TNIK: variants seen among roughly 807,000 people sequenced by gnomAD.
TNIK encodes the protein TRAF2 and NCK-interacting protein kinase.
In TNIK, 49 loss-of-function variants were observed where a neutral mutation model predicts 191.3. The ratio of observed to expected loss-of-function variants is 0.26; its 90% CI spans 0.20 to 0.32. TNIK has a LOEUF of 0.32. TNIK is among the 10% of genes least tolerant of loss of function. The probability of loss-of-function intolerance (pLI) is 1.00; values close to 1 mark genes in which losing one functional copy is unlikely to be tolerated. For synonymous variants in TNIK, 594 were observed against 600.9 expected (o/e 0.99, Z 0.17); for missense variants, 1,155 against 1,702.3 (o/e 0.68, Z 5.66).
chr3:171,182,791 T>G (rs1249047975), intron 7 of TNIK, among the ~76,000 whole-genome samples: 1 of 152,102 alleles, frequency 6.6e-6, no homozygotes, highest in South Asian at 2.1e-4. Context: ...CACAGAAGAA[T>G]GAGAGGCTGT....
chr3:171,356,490 A>G (rs1256353886), intron 2 of TNIK, among the ~76,000 whole-genome samples: 1 of 152,212 alleles, frequency 6.6e-6, no homozygotes, highest in Non-Finnish European at 1.5e-5. Flanking sequence ...TATTTTTGCT[A>G]TAAAGATGAG....
intron 1 of TNIK, among the ~76,000 whole-genome samples, chr3:171,422,639 CTG>C (rs1208949771): frequency 6.6e-6 from 1 of 152,194 alleles, no homozygotes; most frequent in African/African-American, 2.4e-5. Context: ...GTACTGGAAA[CTG>C]TGCTATGCAC....
chr3:171,295,476 C>A (rs915090932), intron 2 of TNIK, among the ~76,000 whole-genome samples: 3 of 152,314 alleles, frequency 2.0e-5, no homozygotes, highest in African/African-American at 7.2e-5. Flanking sequence ...GTGCCCACTG[C>A]AGCTCCAAGC....
chr3:171,106,895 C>T (rs1724989441), intron 21 of TNIK: 1 of 503,368 alleles, frequency 2.0e-6, no homozygotes, highest in Admixed American at 2.9e-5. Flanking sequence ...TTGGAAGATA[C>T]TGGAAGGAGA....
intron 2 of TNIK, among the ~76,000 whole-genome samples, chr3:171,350,986 G>C (rs918555617): frequency 2.0e-5 from 3 of 152,196 alleles, no homozygotes; most frequent in Admixed American, 1.3e-4. Context: ...CACTTCCTGG[G>C]TTCAAGCTAT....
intron 1 of TNIK, among the ~76,000 whole-genome samples, chr3:171,440,305 C>T (rs1051961939): frequency 2.0e-5 from 3 of 152,124 alleles, no homozygotes; most frequent in African/African-American, 7.2e-5. Context: ...AACATAGGAA[C>T]ATTTTTCTAC....
At chr3:171,110,407 CAG>C (rs1267465926) in intron 19 of TNIK, among the ~76,000 whole-genome samples, 5 of 152,154 alleles carry the variant, frequency 3.3e-5, no homozygotes, top group Admixed American at 2.0e-4. Context: ...GGCAATCAAA[CAG>C]AAACAGAAAT....
intron 2 of TNIK, among the ~76,000 whole-genome samples, chr3:171,306,227 G>A (rs1019312566): frequency 6.6e-6 from 1 of 152,122 alleles, no homozygotes; most frequent in African/African-American, 2.4e-5. Context: ...AGGAGGTTAG[G>A]AGGAGGGAGA....
chr3:171,093,770 G>T, intron 23 of TNIK, 69 bp downstream of exon 23: 2 of 1,585,074 alleles, frequency 1.3e-6, no homozygotes, highest in Admixed American at 1.7e-5. Context: ...GGCATTCTCT[G>T]TGAAAGCTTT....
intron 2 of TNIK, among the ~76,000 whole-genome samples, chr3:171,293,477 G>A (rs1751918153): frequency 6.6e-6 from 1 of 152,118 alleles, no homozygotes; most frequent in African/African-American, 2.4e-5. Flanking sequence ...CATAACTATG[G>A]GGAAATTATT....
chr3:171,136,270 C>T (rs921228342), intron 15 of TNIK, among the ~76,000 whole-genome samples: 2 of 152,188 alleles, frequency 1.3e-5, no homozygotes, highest in Non-Finnish European at 2.9e-5. Flanking sequence ...TGCAGCATTT[C>T]TTAGAAAAGT....
chr3:171,237,442 G>A (rs868588795), intron 2 of TNIK, among the ~76,000 whole-genome samples: 5 of 151,692 alleles, frequency 3.3e-5, no homozygotes, highest in Non-Finnish European at 5.9e-5. Flanking sequence ...GTATCTGAAC[G>A]GGAACACAGT....
At chr3:171,103,089 G>A (rs1723871583) in intron 21 of TNIK, among the ~76,000 whole-genome samples, 1 of 152,076 alleles carries the variant, frequency 6.6e-6, no homozygotes, top group Non-Finnish European at 1.5e-5. Flanking sequence ...TTTTAAATTT[G>A]TCTTGATGAC....
intron 21 of TNIK, chr3:171,106,693 A>G: frequency 1.9e-6 from 1 of 534,338 alleles, no homozygotes. Context: ...TCCAGGATTC[A>G]TTAACTAAAG....
At chr3:171,459,822 C>T (rs1417008583) in intron 1 of TNIK, among the ~76,000 whole-genome samples, 185 bp downstream of exon 1, 9 of 152,112 alleles carry the variant, frequency 5.9e-5, no homozygotes, top group Non-Finnish European at 1.0e-4. Flanking sequence ...CCGCACAGCC[C>T]CTGCCGTAGG....
At chr3:171,118,042 C>A (rs541935839) in intron 18 of TNIK, among the ~76,000 whole-genome samples, 2 of 152,156 alleles carry the variant, frequency 1.3e-5, no homozygotes, top group South Asian at 2.1e-4. Flanking sequence ...TCTAGAAAGC[C>A]CCATCGTCTC....
chr3:171,286,599 C>T (rs917965667), intron 2 of TNIK, among the ~76,000 whole-genome samples: 1 of 152,194 alleles, frequency 6.6e-6, no homozygotes, highest in African/African-American at 2.4e-5. Flanking sequence ...TATGCCCCTG[C>T]ACTCCAGCTT....
chr3:171,087,543 G>A, intron 23 of TNIK, 37 bp from the exon 24 acceptor site: 1 of 1,603,380 alleles, frequency 6.2e-7, no homozygotes, highest in Non-Finnish European at 8.5e-7. Context: ...GTTAGAGAGG[G>A]GGGAAAAAGG....
At chr3:171,088,118 T>C (rs1423461653) in intron 23 of TNIK, among the ~76,000 whole-genome samples, 1 of 152,226 alleles carries the variant, frequency 6.6e-6, no homozygotes, top group Non-Finnish European at 1.5e-5. Flanking sequence ...ATCATAAATG[T>C]TTATGTCTCA....
Sources: gnomAD v4.1 joint callset for allele counts (sites outside exome capture counted in the v4.1 genomes callset) on GRCh38, gnomAD v4.1.1 for gene constraint, MANE v1.5 for transcripts, NCBI Gene and HGNC (gene_info 2026-07-23, HGNC 2026-07-21) for gene names.